The following PTK7 variants were observed in gnomAD, a reference collection of about 807,000 sequenced individuals.
PTK7 encodes protein tyrosine kinase 7 (inactive), also known as inactive tyrosine-protein kinase 7.
PTK7 carries 39 observed loss-of-function variants against 116.6 expected under a neutral mutation model. That is an observed-to-expected ratio of 0.33 (90% CI 0.26 to 0.44). PTK7 has a LOEUF of 0.44. Among genes scored for constraint, PTK7 ranks in the 20% least tolerant of loss-of-function variants. The probability of loss-of-function intolerance (pLI) is 1.00; values close to 1 mark genes in which losing one functional copy is unlikely to be tolerated. For synonymous variants in PTK7, 546 were observed against 563.6 expected (o/e 0.97, Z 0.44); for missense variants, 1,169 against 1,425.6 (o/e 0.82, Z 2.90).
At position 43,128,958 on chromosome 6, in the gene PTK7, C is replaced by G; in HGVS notation, c.80-19C>G. 1 of 1,587,600 alleles carries G rather than the reference C, an allele frequency of 6.3e-7. No homozygotes were observed. The highest frequency in any genetic ancestry group is 1.3e-5 in the African/African-American group (1 of 74,736). ...TGCAGCTCCCCCTGACCCTGCCTCT[C>G]CCCTGTTTGCATCTACAGGTACCCA... On this transcript the variant is annotated intron_variant, in intron 1 of 19. Transcript: ENST00000230419.
At chr6:43,115,837 A>T (rs180807602) in intron 1 of PTK7, among the ~76,000 whole-genome samples, 1 of 149,894 alleles carries the variant, frequency 6.7e-6, no homozygotes, top group Non-Finnish European at 1.5e-5. Context: ...CTGAGATGGG[A>T]GAATTGCTTG....
chr6:43,101,184 C>T (rs1423123006), intron 1 of PTK7, among the ~76,000 whole-genome samples: 2 of 148,076 alleles, frequency 1.4e-5, no homozygotes, highest in Admixed American at 1.4e-4. Flanking sequence ...CATTGCACTC[C>T]AGCCTGGGCA....
At chr6:43,114,941 C>CTGAA (rs1582121368) in intron 1 of PTK7, among the ~76,000 whole-genome samples, 1 of 151,916 alleles carries the variant, frequency 6.6e-6, no homozygotes, top group East Asian at 1.9e-4. Flanking sequence ...ACTTAGGAGG[C>CTGAA]TGAAGCAGGA....
At chr6:43,121,853 A>C (rs1434186838) in intron 1 of PTK7, among the ~76,000 whole-genome samples, 2 of 152,200 alleles carry the variant, frequency 1.3e-5, no homozygotes, top group African/African-American at 2.4e-5. Context: ...AAACGTTACA[A>C]ATGTGGCCAG....
chr6:43,114,934 T>C (rs1322904130), intron 1 of PTK7, among the ~76,000 whole-genome samples: 2 of 151,680 alleles, frequency 1.3e-5, no homozygotes, highest in Non-Finnish European at 2.9e-5. Flanking sequence ...CCCAGCTACT[T>C]AGGAGGCTGA....
intron 1 of PTK7, among the ~76,000 whole-genome samples, chr6:43,098,014 T>G (rs1429416702): frequency 6.6e-6 from 1 of 152,184 alleles, no homozygotes; most frequent in East Asian, 1.9e-4. Flanking sequence ...TCAGTTGAAC[T>G]TTTCTGAACT....
At position 43,076,485 on chromosome 6, in the gene PTK7, C is replaced by A. The variant is rs768545768; in HGVS notation, c.-4C>A. ...CCTCAGCTCCTTTTCCTGAGCCCGCCGCGATGGGAGCTGCGCGGGGATCCC... is the reference window on the plus strand; with the variant it reads ...CCTCAGCTCCTTTTCCTGAGCCCGCAGCGATGGGAGCTGCGCGGGGATCCC... On this transcript the variant is annotated 5_prime_UTR_variant, in exon 1 of 20. Coordinates refer to ENST00000230419, the MANE Select transcript of PTK7 (RefSeq NM_002821.5). This position sits in a 1 kb window ranked among gnomAD's most constrained non-coding sequence, Gnocchi z 5.7. 1 of 1,564,888 alleles carries A rather than the reference C, an allele frequency of 6.4e-7. No homozygotes were observed. Among genetic ancestry groups the A allele is most frequent in the Non-Finnish European group, 8.6e-7 (1 of 1,161,694 alleles).
intron 1 of PTK7, among the ~76,000 whole-genome samples, chr6:43,103,950 C>T (rs919715247): frequency 6.6e-6 from 1 of 152,160 alleles, no homozygotes; most frequent in Admixed American, 6.5e-5. Context: ...AAATCTCACT[C>T]CCATCTGTTT....
At position 43,129,244 on chromosome 6, in the gene PTK7, A is replaced by G. The variant is rs1460965413; in HGVS notation, c.347A>G (p.Asn116Ser). Residue 116 changes from asparagine to serine, a missense_variant, in exon 2 of 20, where the codon AAC becomes AGC. Transcript: ENST00000230419. The surrounding 1 kb of genome is among the most constrained non-coding windows in gnomAD (Gnocchi z 4.5). ...DVTGEEARSA[N>S]ASFNIKWIEA... ...ACTGGAGAAGAAGCCCGCAGTGCCA[A>G]CGCCTCCTTCAACATCAAATGTGAG... 3.1e-6 allele frequency: 5 copies of G among 1,613,992 alleles called. No homozygotes were observed. Among genetic ancestry groups the G allele is most frequent in the Admixed American group, 1.7e-5 (1 of 60,008 alleles).
chr6:43,159,888 T>C lies in PTK7; in HGVS notation c.2974T>C (p.Phe992Leu), dbSNP rs1223244219. The change falls in exon 19 of 20, where the codon TTC becomes CTC. Residue 992 changes from phenylalanine (F) to leucine (L), a missense_variant. This residue lies in a region of PTK7 where 678 missense variants were observed against 853.8 expected (regional missense o/e 0.79). Transcript: ENST00000230419. ...DFSTKSDVWA[F>L]GVLMWEVFTH... ...CTCTACCAAGTCTGATGTCTGGGCC[T>C]TCGGTGTGCTGATGTGGGAAGTGTT... The C allele has an allele frequency of 1.2e-6, 2 of 1,614,132 alleles. No homozygotes were observed. Among genetic ancestry groups the C allele is most frequent in the Non-Finnish European group, 1.7e-6 (2 of 1,180,038 alleles).
chr6:43,100,982 C>T (rs923081257), intron 1 of PTK7, among the ~76,000 whole-genome samples: 3 of 152,146 alleles, frequency 2.0e-5, no homozygotes, highest in Non-Finnish European at 2.9e-5. Context: ...CCTGTAATCC[C>T]AGCACTTTGG....
At chr6:43,146,500 A>C in intron 16 of PTK7, 118 bp from the exon 17 acceptor site, 2 of 861,218 alleles carry the variant, frequency 2.3e-6, no homozygotes, top group Non-Finnish European at 3.7e-6. Flanking sequence ...GGCCCAGGCT[A>C]GCTTAGGCCT....
chr6:43,131,968 A>G, intron 5 of PTK7, 48 bp from the exon 6 acceptor site: 2 of 1,611,236 alleles, frequency 1.2e-6, no homozygotes, highest in Non-Finnish European at 1.7e-6. Context: ...CCTTTCCAGA[A>G]CTAGGCCTAT....
chr6:43,106,091 T>A (rs1767874415), intron 1 of PTK7, among the ~76,000 whole-genome samples: 2 of 152,056 alleles, frequency 1.3e-5, no homozygotes, highest in East Asian at 3.9e-4. Flanking sequence ...GTTGTGATTT[T>A]TTTTTGTTGT....
chr6:43,157,355 TATATATATA>T (rs1380349149), intron 17 of PTK7, among the ~76,000 whole-genome samples: 1,569 of 9,052 alleles, frequency 0.17, 250 homozygotes, highest in Non-Finnish European at 0.25. Flanking sequence ...TATATATATA[TATATATATA>T]TTTTTTTTTT....
intron 17 of PTK7, among the ~76,000 whole-genome samples, chr6:43,150,097 CTG>C (rs1326139840): frequency 6.6e-6 from 1 of 152,230 alleles, no homozygotes; most frequent in East Asian, 1.9e-4. Context: ...GAGCTGTAAT[CTG>C]TGATTGCTTC....
chr6:43,129,930 AC>A lies in PTK7; in HGVS notation c.470+103del. Reference sequence around the variant, plus strand: ...GGATGTTACCTCGCTCCATTCTGTGACCACTCGTTCCACCACCACAGTGCTC... The same window carrying A: ...GGATGTTACCTCGCTCCATTCTGTGACACTCGTTCCACCACCACAGTGCTC... On this transcript the variant is annotated intron_variant, in intron 3 of 19. Coordinates refer to ENST00000230419, the MANE Select transcript of PTK7 (RefSeq NM_002821.5). The surrounding 1 kb of genome is among the most constrained non-coding windows in gnomAD (Gnocchi z 4.5). The A allele has an allele frequency of 8.5e-7, 1 of 1,170,348 alleles. No homozygotes were observed. Among genetic ancestry groups the A allele is most frequent in the Non-Finnish European group, 1.2e-6 (1 of 808,342 alleles). 72.5% of individuals were successfully genotyped at this position (1,170,348 alleles called of 1,614,324 possible).
chr6:43,102,289 G>A (rs1767626398), intron 1 of PTK7, among the ~76,000 whole-genome samples: 1 of 152,194 alleles, frequency 6.6e-6, no homozygotes, highest in African/African-American at 2.4e-5. Context: ...GCTGGGCATG[G>A]TGGCGGGCGC....
At chr6:43,124,312 A>G (rs1323096322) in intron 1 of PTK7, among the ~76,000 whole-genome samples, 1 of 152,204 alleles carries the variant, frequency 6.6e-6, no homozygotes, top group Non-Finnish European at 1.5e-5. Context: ...AAGCAAAAGT[A>G]GAGTCCCTTA....
Sources: gnomAD v4.1 joint callset for allele counts (sites outside exome capture counted in the v4.1 genomes callset) on GRCh38, gnomAD v4.1.1 for gene constraint, gnomAD v4.1.1 regional missense constraint, Gnocchi (gnomAD v3.1) non-coding constraint, MANE v1.5 for transcripts, NCBI Gene and HGNC (gene_info 2026-07-23, HGNC 2026-07-21) for gene names.